PXDNL: variants seen among roughly 807,000 people sequenced by gnomAD.
The protein encoded by PXDNL is peroxidasin like.
A neutral mutation model predicts 150.8 loss-of-function variants in PXDNL; 145 were observed. That is an observed-to-expected ratio of 0.96 (90% confidence interval 0.84 to 1.10). The LOEUF is 1.10. Among genes scored for constraint, PXDNL ranks in the 50% least tolerant of loss-of-function variants. The probability of loss-of-function intolerance (pLI) is 0.00; values close to 1 mark genes in which losing one functional copy is unlikely to be tolerated. For synonymous variants in PXDNL, 757 were observed against 725.7 expected (o/e 1.04, Z -0.69); for missense variants, 2,087 against 1,873.9 (o/e 1.11, Z -2.10).
intron 4 of PXDNL, among the ~76,000 whole-genome samples, chr8:51,521,086 T>A (rs1277729461): frequency 4.0e-5 from 6 of 151,458 alleles, no homozygotes; most frequent in African/African-American, 7.3e-5. Context: ...CAAAAAAAAA[T>A]TAAAATATTA....
At chr8:51,792,232 A>G (rs745377672) in intron 1 of PXDNL, among the ~76,000 whole-genome samples, 1 of 151,894 alleles carries the variant, frequency 6.6e-6, no homozygotes, top group African/African-American at 2.4e-5. Flanking sequence ...TGAGGTATCG[A>G]GGTTCTCTCA....
chr8:51,616,027 A>T (rs1814122820), intron 2 of PXDNL, among the ~76,000 whole-genome samples: 1 of 152,132 alleles, frequency 6.6e-6, no homozygotes, highest in East Asian at 1.9e-4. Context: ...CAATGGCCCC[A>T]CATGCTAAAC....
At chr8:51,693,572 A>C (rs1816048216) in intron 1 of PXDNL, among the ~76,000 whole-genome samples, 1 of 152,216 alleles carries the variant, frequency 6.6e-6, no homozygotes, top group South Asian at 2.1e-4. Flanking sequence ...CAGGAGTTTG[A>C]GACCAGCCTG....
intron 4 of PXDNL, among the ~76,000 whole-genome samples, chr8:51,501,736 A>T (rs1311515300): frequency 6.6e-6 from 1 of 152,180 alleles, no homozygotes; most frequent in African/African-American, 2.4e-5. Flanking sequence ...ACACACTCAC[A>T]CACTGTCCCC....
At chr8:51,775,686 C>T (rs1209593284) in intron 1 of PXDNL, among the ~76,000 whole-genome samples, 1 of 152,186 alleles carries the variant, frequency 6.6e-6, no homozygotes, top group Non-Finnish European at 1.5e-5. Context: ...CCTGTCTTTA[C>T]TTTAATCTCT....
chr8:51,542,133 A>G (rs1339476403), intron 4 of PXDNL, among the ~76,000 whole-genome samples: 1 of 151,708 alleles, frequency 6.6e-6, no homozygotes, highest in African/African-American at 2.4e-5. Flanking sequence ...TTCAGGCTTT[A>G]ATTTATTTTG....
At chr8:51,520,543 A>G (rs1372520038) in intron 4 of PXDNL, among the ~76,000 whole-genome samples, 1 of 151,970 alleles carries the variant, frequency 6.6e-6, no homozygotes, top group African/African-American at 2.4e-5. Flanking sequence ...GCCACCCACC[A>G]TGTCCTCCCA....
At chr8:51,529,942 TC>T (rs1336249156) in intron 4 of PXDNL, among the ~76,000 whole-genome samples, 1 of 152,080 alleles carries the variant, frequency 6.6e-6, no homozygotes, top group African/African-American at 2.4e-5. Flanking sequence ...CAATCCCCCT[TC>T]CCCAGCTGTA....
At chr8:51,799,807 G>C (rs2037600106) in intron 1 of PXDNL, among the ~76,000 whole-genome samples, 1 of 152,136 alleles carries the variant, frequency 6.6e-6, no homozygotes, top group Non-Finnish European at 1.5e-5. Context: ...CTTAAAACAA[G>C]GGTGCCAACT....
At chr8:51,799,406 T>TA (rs973395298) in intron 1 of PXDNL, among the ~76,000 whole-genome samples, 1 of 152,006 alleles carries the variant, frequency 6.6e-6, no homozygotes, top group African/African-American at 2.4e-5. Flanking sequence ...AATTAAATTT[T>TA]AAAAAAAGAT....
At chr8:51,366,944 T>A (rs557452586) in intron 19 of PXDNL, among the ~76,000 whole-genome samples, 1 of 151,418 alleles carries the variant, frequency 6.6e-6, no homozygotes, top group Non-Finnish European at 1.5e-5. Flanking sequence ...CTACTAAAAA[T>A]ACAAAAATTA....
At chr8:51,405,978 A>G (rs1222797341) in intron 17 of PXDNL, among the ~76,000 whole-genome samples, 1 of 152,202 alleles carries the variant, frequency 6.6e-6, no homozygotes, top group East Asian at 1.9e-4. Flanking sequence ...TAGAAAGGCT[A>G]CTGAGTGAAT....
intron 13 of PXDNL, among the ~76,000 whole-genome samples, chr8:51,424,524 TTA>T (rs59447579): frequency 0.2 from 30,551 of 150,204 alleles, 3,524 homozygotes; most frequent in East Asian, 0.33. Flanking sequence ...GATATGTGTA[TTA>T]TATATATATA....
chr8:51,744,536 C>T (rs1477682479), intron 1 of PXDNL, among the ~76,000 whole-genome samples: 12 of 148,418 alleles, frequency 8.1e-5, no homozygotes, highest in East Asian at 2.0e-4. Context: ...ATTAGCTGGG[C>T]GTGGTGGCAG....
At chr8:51,455,574 G>A (rs1809921698) in intron 9 of PXDNL, among the ~76,000 whole-genome samples, 1 of 152,068 alleles carries the variant, frequency 6.6e-6, no homozygotes, top group South Asian at 2.1e-4. Flanking sequence ...GGAGGACAGC[G>A]CTATAAGGAA....
chr8:51,320,516 T>TA (rs1371965406), intron 22 of PXDNL, among the ~76,000 whole-genome samples: 1 of 152,216 alleles, frequency 6.6e-6, no homozygotes, highest in Non-Finnish European at 1.5e-5. Flanking sequence ...CTTACTGACA[T>TA]AAACTTCCTT....
intron 12 of PXDNL, among the ~76,000 whole-genome samples, chr8:51,430,955 C>A (rs1586100859): frequency 6.6e-6 from 1 of 152,136 alleles, no homozygotes; most frequent in South Asian, 2.1e-4. Context: ...TTCAAGTCAC[C>A]TACTTCATCT....
intron 8 of PXDNL, among the ~76,000 whole-genome samples, chr8:51,461,692 C>T (rs928162912): frequency 6.6e-5 from 10 of 152,226 alleles, no homozygotes; most frequent in East Asian, 1.9e-4. Flanking sequence ...TCCTTTGGCT[C>T]GGGTTTCCCC....
At chr8:51,591,431 G>A (rs1310603783) in intron 3 of PXDNL, among the ~76,000 whole-genome samples, 2 of 152,142 alleles carry the variant, frequency 1.3e-5, no homozygotes, top group Non-Finnish European at 2.9e-5. Flanking sequence ...AACACAGGAG[G>A]CTTTGAGGCT....
Sources: gnomAD v4.1 joint callset for allele counts (sites outside exome capture counted in the v4.1 genomes callset) on GRCh38, gnomAD v4.1.1 for gene constraint, MANE v1.5 for transcripts, NCBI Gene and HGNC (gene_info 2026-07-23, HGNC 2026-07-21) for gene names.